EVC2: variants seen among roughly 807,000 people sequenced by gnomAD.
The protein encoded by EVC2 is EvC ciliary complex subunit 2, also known as limbin.
A neutral mutation model predicts 149.3 loss-of-function variants in EVC2; 148 were observed. The ratio of observed to expected loss-of-function variants is 0.99; its 90% CI spans 0.87 to 1.14. The LOEUF (loss-of-function observed/expected upper bound fraction) is 1.14. Among genes scored for constraint, EVC2 ranks in the 50% most tolerant of loss-of-function variants. The pLI is 0.00. For missense variants in EVC2, 1,854 were observed against 1,627.3 expected, an observed-to-expected ratio of 1.14 and a Z score of -2.40; for synonymous variants, 776 against 649.9, an observed-to-expected ratio of 1.19 and a Z score of -2.95.
intron 16 of EVC2, among the ~76,000 whole-genome samples, chr4:5,588,907 C>T (rs919345355): frequency 6.6e-6 from 1 of 152,194 alleles, no homozygotes; most frequent in Admixed American, 6.5e-5. Context: ...ATATAAATAA[C>T]TCCCACAAGC....
chr4:5,658,408 AGTT>A (rs1429199792), intron 9 of EVC2, among the ~76,000 whole-genome samples: 1 of 152,252 alleles, frequency 6.6e-6, no homozygotes, highest in Admixed American at 6.5e-5. Context: ...AAAGAGTAGT[AGTT>A]GTAAAAATAT....
intron 12 of EVC2, 115 bp from the exon 13 acceptor site, chr4:5,626,023 T>C (rs1716082415): frequency 1.5e-6 from 2 of 1,290,742 alleles, no homozygotes; most frequent in South Asian, 1.2e-5. Flanking sequence ...CAGAAAATCT[T>C]TACCCTCCAG....
intron 13 of EVC2, among the ~76,000 whole-genome samples, chr4:5,623,380 C>T (rs768149684): frequency 4.6e-5 from 7 of 152,004 alleles, no homozygotes; most frequent in Non-Finnish European, 8.8e-5. Flanking sequence ...CCTTCTGTCG[C>T]CCAGGCTGGA....
At chr4:5,594,065 C>G (rs979431789) in intron 16 of EVC2, among the ~76,000 whole-genome samples, 1 of 152,144 alleles carries the variant, frequency 6.6e-6, no homozygotes, top group Non-Finnish European at 1.5e-5. Flanking sequence ...CAAAGCAGCC[C>G]GGAAGCTCAA....
At position 5,568,574 on chromosome 4, in the gene EVC2, G is replaced by C; in HGVS notation, c.3427C>G (p.Leu1143Val). The change falls in exon 20 of 22, where the codon CTG becomes GTG. Residue 1143 changes from leucine to valine, a missense_variant. Transcript: ENST00000344408. ...GAGGCTGTGGGCAGTACCACACTCA[G>C]GAGCCGGCGAAGCGTGGCCCCGGGC... ...MVPGATLRRL[L>V]SVVLPTASQP... 1 of 1,607,384 alleles carries C rather than the reference G, an allele frequency of 6.2e-7. No individual in the cohort carries two copies. Among genetic ancestry groups the C allele is most frequent in the Non-Finnish European group, 8.5e-7 (1 of 1,179,488 alleles).
chr4:5,568,774 T>C (rs1560127312), intron 19 of EVC2, 134 bp from the exon 20 acceptor site: 6 of 1,141,704 alleles, frequency 5.3e-6, no homozygotes, highest in Non-Finnish European at 7.6e-6. Context: ...GGAAAACATG[T>C]TCCCGAACTT....
chr4:5,530,458 T>C, the EVC2 span, among the ~76,000 whole-genome samples: 4 of 152,038 alleles, frequency 2.6e-5, no homozygotes, highest in East Asian at 7.8e-4. Context: ...GATGTTGTGA[T>C]ACACATGGTG....
intron 16 of EVC2, among the ~76,000 whole-genome samples, chr4:5,608,385 C>T (rs1714562012): frequency 6.6e-6 from 1 of 152,148 alleles, no homozygotes; most frequent in Non-Finnish European, 1.5e-5. Context: ...TCATGAACTC[C>T]AAGGGACCTC....
rs371616828 is a variant in EVC2, at chr4:5,701,635, A to C, written c.229-3988T>G. On this transcript the variant is annotated intron_variant, in intron 1 of 21. Transcript: ENST00000344408. ...GCTCATCCAGGCCCTCAGATGTTAA[A>C]GGTCATTTATACACTGACTATTCCC... is the stretch of plus-strand genomic sequence containing the variant. 2.6e-5 allele frequency among the ~76,000 whole-genome samples: 4 copies of C among 152,144 alleles called. No individual in the cohort carries two copies. In the East Asian group the frequency reaches 7.7e-4, roughly 29 times the overall value.
At chr4:5,659,170 G>T (rs1230039606) in intron 9 of EVC2, among the ~76,000 whole-genome samples, 1 of 152,082 alleles carries the variant, frequency 6.6e-6, no homozygotes, top group African/African-American at 2.4e-5. Context: ...TGAAATGAGG[G>T]GGCAATCAAG....
Position 5,706,337 on chromosome 4 carries a change from GATACATAGATAGATAGACAC to G in EVC2, c.228+1929_228+1948del, listed in dbSNP as rs1560243190. On this transcript the variant is annotated intron_variant, in intron 1 of 21. Coordinates refer to ENST00000344408, the MANE Select transcript of EVC2 (RefSeq NM_147127.5). ...AGATAGATACATAGATAGATAGATA[GATACATAGATAGATAGACAC>G]ATAGATAGATACATAGATAGATACA... Among the ~76,000 whole-genome samples the G allele has an allele frequency of 7.7e-4, 42 of 54,240 alleles. 5 individuals are homozygous for G. The highest frequency in any genetic ancestry group is 1.8e-3 in the African/African-American group (32 of 18,088). 35.6% of individuals were successfully genotyped at this position (54,240 alleles called of 152,430 possible).
chr4:5,543,097 C>T (rs2108755693), exon 22 of EVC2: 1 of 1,274,604 alleles, frequency 7.8e-7, no homozygotes, highest in South Asian at 1.2e-5. Context: ...CGAGGTAACT[C>T]ATCTATGTTT....
intron 9 of EVC2, among the ~76,000 whole-genome samples, chr4:5,651,607 T>C (rs866813922): frequency 6.6e-5 from 10 of 152,326 alleles, no homozygotes; most frequent in African/African-American, 2.4e-4. Flanking sequence ...GAAGGTTAGA[T>C]GACAATCATA....
chr4:5,562,325 G>A, downstream of EVC2: 1 of 511,768 alleles, frequency 2.0e-6, no homozygotes, highest in Non-Finnish European at 2.5e-6. This position sits in a 1 kb window ranked among gnomAD's most constrained non-coding sequence, Gnocchi z 4.3. Context: ...TTGGCAACTG[G>A]AGCGATAGAG....
intron 21 of EVC2, among the ~76,000 whole-genome samples, chr4:5,563,594 C>G (rs1226450410): frequency 1.1e-4 from 16 of 152,126 alleles, no homozygotes; most frequent in Admixed American, 1.0e-3. Flanking sequence ...CCCACATCGG[C>G]CTCTCAAAGT....
At chr4:5,592,362 A>G (rs999660630) in intron 16 of EVC2, among the ~76,000 whole-genome samples, 1 of 152,170 alleles carries the variant, frequency 6.6e-6, no homozygotes, top group Non-Finnish European at 1.5e-5. Context: ...AGGGATGGAG[A>G]ATCTAGCGGT....
rs1272080943 is a variant in EVC2, at chr4:5,696,420, G to A, written c.283+1173C>T. ...CCATCCCATTCCCCAGGACACCAGA[G>A]TTAGGCACAGAACCCAGACAACCCC... On this transcript the variant is annotated intron_variant, in intron 2 of 21. Transcript: ENST00000344408. The surrounding 1 kb of genome is among the most constrained non-coding windows in gnomAD (Gnocchi z 4.1). 1.3e-5 allele frequency among the ~76,000 whole-genome samples: 2 copies of A among 152,150 alleles called. No individual in the cohort carries two copies. The highest frequency in any genetic ancestry group is 2.1e-4 in the South Asian group (1 of 4,818).
chr4:5,623,036 G>T (rs1715838266), intron 13 of EVC2, 45 bp from the exon 14 acceptor site: 8 of 1,586,638 alleles, frequency 5.0e-6, no homozygotes, highest in Admixed American at 1.7e-5. Flanking sequence ...GGGCTTGGCG[G>T]GTACAGTCCT....
intron 16 of EVC2, among the ~76,000 whole-genome samples, chr4:5,596,976 A>G (rs911253680): frequency 1.3e-5 from 2 of 152,246 alleles, no homozygotes; most frequent in Admixed American, 1.3e-4. Context: ...AGAAATGGAT[A>G]AATTCCTCAA....
Sources: gnomAD v4.1 joint callset for allele counts (sites outside exome capture counted in the v4.1 genomes callset) on GRCh38, gnomAD v4.1.1 for gene constraint, Gnocchi (gnomAD v3.1) non-coding constraint, MANE v1.5 for transcripts, NCBI Gene and HGNC (gene_info 2026-07-23, HGNC 2026-07-21) for gene names.